Variants in PRDM5 observed in about 807,000 individuals in gnomAD.
The protein encoded by PRDM5 is PR domain zinc finger protein 5.
A neutral mutation model predicts 81.2 loss-of-function variants in PRDM5; 56 were observed. The ratio of observed to expected loss-of-function variants is 0.69; its 90% confidence interval spans 0.56 to 0.86. The LOEUF (loss-of-function observed/expected upper bound fraction) is 0.86. Among genes scored for constraint, PRDM5 ranks in the 40% least tolerant of loss-of-function variants. The probability of loss-of-function intolerance (pLI) is 0.00; values close to 1 mark genes in which losing one functional copy is unlikely to be tolerated. For synonymous variants in PRDM5, 267 were observed against 256.4 expected (o/e 1.04, Z -0.39); for missense variants, 697 against 770.1 (o/e 0.91, Z 1.12).
chr4:120,900,974 A>G (rs1765165942), intron 2 of PRDM5, among the ~76,000 whole-genome samples: 1 of 152,176 alleles, frequency 6.6e-6, no homozygotes, highest in South Asian at 2.1e-4. Flanking sequence ...ATTGTTACCC[A>G]TTCACTTCTA....
chr4:120,907,334 C>CAA (rs61156380), intron 2 of PRDM5, 140 bp downstream of exon 2: 4,508 of 567,398 alleles, frequency 7.9e-3, no homozygotes, highest in African/African-American at 8.3e-3. Context: ...ATCTCCATCT[C>CAA]AAAAAAAAAA....
chr4:120,782,814 T>C (rs1293796008), intron 11 of PRDM5, among the ~76,000 whole-genome samples: 7 of 152,130 alleles, frequency 4.6e-5, no homozygotes, highest in African/African-American at 1.7e-4. Flanking sequence ...GAAAGAGATC[T>C]TTTTAAAAAA....
At position 120,799,674 on chromosome 4, in the gene PRDM5, C is replaced by T; in HGVS notation, c.1017G>A (p.Met339Ile). ...FISANQLKRH[M>I]ITHSEKRPYN... is the part of the protein sequence containing the mutation. ...TATATAGTTTACCTGAGTGGGTGATCATATGACGTTTTAGCTGATTAGCTG... is the reference window on the plus strand; with the variant it reads ...TATATAGTTTACCTGAGTGGGTGATTATATGACGTTTTAGCTGATTAGCTG... The change falls in exon 9 of 16, where the codon ATG (methionine) becomes ATA (isoleucine). Residue 339 changes from methionine to isoleucine, a missense_variant. By Grantham distance (10) the Met-to-Ile change is conservative. Around this residue, in one of 3 missense-constraint regions of PRDM5, gnomAD observed 577 missense variants for 606.7 expected, o/e 0.95. Transcript: ENST00000264808. 6.2e-7 allele frequency: 1 copy of T among 1,612,572 alleles called. No homozygotes were observed.
chr4:120,816,196 C>A, intron 7 of PRDM5: 2 of 528,440 alleles, frequency 3.8e-6, no homozygotes, highest in Non-Finnish European at 6.7e-6. Flanking sequence ...ATCTGACCAC[C>A]CAAACATAAC....
At chr4:120,916,783 G>A (rs115915175) in intron 1 of PRDM5, among the ~76,000 whole-genome samples, 169 of 152,210 alleles carry the variant, frequency 1.1e-3, no homozygotes, top group Middle Eastern at 6.8e-3. Flanking sequence ...GCTAAAATCC[G>A]TGGAATCATC....
At chr4:120,839,019 C>T in intron 3 of PRDM5, 1 of 556,888 alleles carries the variant, frequency 1.8e-6, no homozygotes, top group Non-Finnish European at 3.2e-6. Flanking sequence ...GGGACAGGCA[C>T]ACCGCAAGTA....
intron 14 of PRDM5, among the ~76,000 whole-genome samples, chr4:120,752,618 C>T (rs1744167192): frequency 6.6e-6 from 1 of 152,160 alleles, no homozygotes; most frequent in South Asian, 2.1e-4. Flanking sequence ...GGGGTCATTA[C>T]TGTAATTTGC....
chr4:120,774,671 G>C (rs1747791004), intron 13 of PRDM5, among the ~76,000 whole-genome samples: 2 of 152,088 alleles, frequency 1.3e-5, no homozygotes, highest in South Asian at 4.1e-4. Context: ...CACAACCCCA[G>C]CCACACTGCT....
chr4:120,742,788 C>A (rs1242669969), intron 14 of PRDM5, among the ~76,000 whole-genome samples: 1 of 151,726 alleles, frequency 6.6e-6, no homozygotes, highest in African/African-American at 2.4e-5. Context: ...GTGAAAAGAC[C>A]AAATCTACGT....
chr4:120,823,319 A>G (rs1423525755), intron 3 of PRDM5, among the ~76,000 whole-genome samples: 1 of 152,342 alleles, frequency 6.6e-6, no homozygotes, highest in East Asian at 1.9e-4. Flanking sequence ...TAATAAAAGA[A>G]AATTTTCATA....
At chr4:120,887,579 C>A (rs952623400) in intron 2 of PRDM5, among the ~76,000 whole-genome samples, 1 of 152,194 alleles carries the variant, frequency 6.6e-6, no homozygotes, top group African/African-American at 2.4e-5. Flanking sequence ...TCTAATCCTA[C>A]ACACCACTAC....
At position 120,754,925 on chromosome 4, in the gene PRDM5, A is replaced by C. The variant is rs843559; in HGVS notation, c.1538-287T>G. 0.99 allele frequency among the ~76,000 whole-genome samples: 151,108 copies of C among 152,312 alleles called. 74,969 individuals are homozygous for C. Among genetic ancestry groups the C allele is most frequent in the Middle Eastern group, 1 (294 of 294 alleles). ...CTGCATATTCCTTTTAATACTTGAG[A>C]CCAAATTAAATCTCCTCATTTTAAG... On this transcript the variant is annotated intron_variant, in intron 13 of 15. Coordinates refer to ENST00000264808, the MANE Select transcript of PRDM5 (RefSeq NM_018699.4).
intron 2 of PRDM5, among the ~76,000 whole-genome samples, chr4:120,889,846 T>C (rs1394136350): frequency 6.6e-6 from 1 of 152,174 alleles, no homozygotes; most frequent in African/African-American, 2.4e-5. Context: ...CCTGCATTAG[T>C]TCACCAGCTC....
At chr4:120,846,952 A>G (rs1758725788) in intron 3 of PRDM5, among the ~76,000 whole-genome samples, 1 of 152,116 alleles carries the variant, frequency 6.6e-6, no homozygotes, top group Non-Finnish European at 1.5e-5. Context: ...ATCTACTTAA[A>G]GTCCTTCAGA....
Position 120,820,992 on chromosome 4 carries a change from A to G in PRDM5, c.475+179T>C, listed in dbSNP as rs343185. ...TACATCCATCACCCACTCCCAAAAT[A>G]CTTTTCCTGCTGTAACAAAGATGAG... is the stretch of plus-strand genomic sequence containing the variant. On this transcript the variant is annotated intron_variant, in intron 4 of 15. Transcript: ENST00000264808. Among the ~76,000 whole-genome samples, 8,094 of 152,272 alleles carry G rather than the reference A, an allele frequency of 0.053. 346 individuals carry two copies. Among genetic ancestry groups the G allele is most frequent in the Middle Eastern group, 0.15 (43 of 294 alleles).
chr4:120,922,646 G>C lies in PRDM5; in HGVS notation c.-38C>G, dbSNP rs767001107. The C allele has an allele frequency of 3.0e-5, 47 of 1,569,052 alleles. No individual in the cohort carries two copies. The Admixed American group carries it at 5.4e-4, about 18-fold the overall frequency. ...GGCGGCCGCCGCCTCTCTCAACACCGGCGCTTAGCGCCCGGCAGGCGGCAC... is the reference window on the plus strand; with the variant it reads ...GGCGGCCGCCGCCTCTCTCAACACCCGCGCTTAGCGCCCGGCAGGCGGCAC... On this transcript the variant is annotated 5_prime_UTR_variant, in exon 1 of 16. Transcript: ENST00000264808.
In PRDM5 at chr4:120,778,125, T is replaced by C. The variant is rs149442776; in HGVS notation, c.1444-844A>G. On this transcript the variant is annotated intron_variant, in intron 12 of 15. Transcript: ENST00000264808. The stretch of plus-strand genomic sequence containing the variant: ...TGGAGAAAAGGGGAGGTGAAAGCAA[T>C]TCCTTCAGGTATGTACACATCCTTT... Among the ~76,000 whole-genome samples, 28 of 152,240 alleles carry C rather than the reference T, an allele frequency of 1.8e-4. No homozygotes were observed. In the East Asian group the frequency reaches 5.4e-3, roughly 29 times the overall value.
chr4:120,771,705 G>T (rs1003435732), intron 13 of PRDM5, among the ~76,000 whole-genome samples: 7 of 152,008 alleles, frequency 4.6e-5, no homozygotes, highest in Admixed American at 1.3e-4. Flanking sequence ...AAAAGGGAAA[G>T]GTATTGAACA....
chr4:120,906,211 T>C (rs998846246), intron 2 of PRDM5, among the ~76,000 whole-genome samples: 10 of 152,192 alleles, frequency 6.6e-5, no homozygotes, highest in Non-Finnish European at 1.5e-4. Context: ...CCTCAAGCAA[T>C]CCTCCTGCCT....
Sources: allele counts gnomAD v4.1 joint callset (sites outside exome capture counted in the v4.1 genomes callset), GRCh38; gene constraint gnomAD v4.1.1; regional missense constraint gnomAD v4.1.1; transcripts MANE v1.5; gene names NCBI Gene and HGNC (gene_info 2026-07-23, HGNC 2026-07-21).